CSMD1: variants seen among roughly 807,000 people sequenced by gnomAD.
CSMD1 encodes the protein CUB and sushi domain-containing protein 1.
Under a neutral mutation model 417.5 loss-of-function variants are expected in CSMD1, and 213 were observed. That is an observed-to-expected ratio of 0.51 (90% CI 0.46 to 0.57). The LOEUF is 0.57. Among genes scored for constraint, CSMD1 ranks in the 20% least tolerant of loss-of-function variants. CSMD1 has a pLI of 0.00. For missense variants in CSMD1, 6,923 were observed against 4,529.7 expected, an observed-to-expected ratio of 1.53 and a Z score of -15.17; for synonymous variants, 2,862 against 1,736.8, an observed-to-expected ratio of 1.65 and a Z score of -16.11.
At chr8:3,904,681 G>A (rs751418115) in intron 5 of CSMD1, among the ~76,000 whole-genome samples, 2 of 136,356 alleles carry the variant, frequency 1.5e-5, no homozygotes, top group Non-Finnish European at 3.0e-5. Context: ...CTGTCACCCC[G>A]GTTGGACTGC....
intron 3 of CSMD1, among the ~76,000 whole-genome samples, chr8:4,128,777 C>G (rs1802915832): frequency 6.6e-6 from 1 of 152,116 alleles, no homozygotes; most frequent in Non-Finnish European, 1.5e-5. Context: ...ACACCATCAA[C>G]TCATCCTTGC....
At chr8:4,190,018 G>C (rs1382498884) in intron 3 of CSMD1, among the ~76,000 whole-genome samples, 1 of 151,716 alleles carries the variant, frequency 6.6e-6, no homozygotes, top group African/African-American at 2.4e-5. Flanking sequence ...CAGCACTTTG[G>C]GAGGCCAAGG....
At chr8:3,992,707 G>C (rs1287577698) in intron 5 of CSMD1, among the ~76,000 whole-genome samples, 2 of 152,194 alleles carry the variant, frequency 1.3e-5, no homozygotes, top group African/African-American at 4.8e-5. Flanking sequence ...CTTCAGTCCA[G>C]GAGTTTGAGG....
At chr8:3,938,253 A>G (rs1473668389) in intron 5 of CSMD1, among the ~76,000 whole-genome samples, 1 of 152,196 alleles carries the variant, frequency 6.6e-6, no homozygotes, top group Non-Finnish European at 1.5e-5. Context: ...TACTGTTTAA[A>G]AAAAATTAAA....
intron 1 of CSMD1, among the ~76,000 whole-genome samples, chr8:4,741,699 C>T (rs1810614597): frequency 6.6e-6 from 1 of 152,134 alleles, no homozygotes. Context: ...ATTGTCTTCA[C>T]TACTCCAGGT....
At chr8:4,883,998 A>G (rs368199474) in intron 1 of CSMD1, among the ~76,000 whole-genome samples, 1 of 151,886 alleles carries the variant, frequency 6.6e-6, no homozygotes, top group Admixed American at 6.6e-5. Context: ...AATACTTGCT[A>G]TTGTCTGTAT....
At chr8:4,899,016 T>A (rs550159795) in intron 1 of CSMD1, among the ~76,000 whole-genome samples, 1 of 152,218 alleles carries the variant, frequency 6.6e-6, no homozygotes, top group African/African-American at 2.4e-5. Context: ...GAGAGTTTTA[T>A]GCTAAACACA....
At chr8:3,986,089 C>G (rs57907608) in intron 5 of CSMD1, among the ~76,000 whole-genome samples, 4 of 151,764 alleles carry the variant, frequency 2.6e-5, no homozygotes, top group Admixed American at 2.0e-4. Context: ...TCAAGGATCT[C>G]GTTCGTATCT....
intron 3 of CSMD1, among the ~76,000 whole-genome samples, chr8:4,332,624 C>T (rs1478417004): frequency 6.7e-6 from 1 of 149,396 alleles, no homozygotes; most frequent in Non-Finnish European, 1.5e-5. Flanking sequence ...TATGCAGAGA[C>T]ATTCAGATAC....
chr8:4,443,987 C>T (rs534626392), intron 2 of CSMD1, among the ~76,000 whole-genome samples: 2 of 152,120 alleles, frequency 1.3e-5, no homozygotes, highest in South Asian at 2.1e-4. Context: ...TGAAAATGTA[C>T]AAACGGAGTA....
At chr8:4,005,163 TA>T (rs1356387662) in intron 4 of CSMD1, among the ~76,000 whole-genome samples, 3 of 152,148 alleles carry the variant, frequency 2.0e-5, no homozygotes, top group Middle Eastern at 3.4e-3. Context: ...GGAAAGGGGA[TA>T]AAAGACAACA....
intron 7 of CSMD1, among the ~76,000 whole-genome samples, chr8:3,656,588 C>A (rs567082030): frequency 7.2e-5 from 11 of 152,216 alleles, no homozygotes; most frequent in African/African-American, 2.6e-4. Flanking sequence ...TCTTACGAAG[C>A]CCTTTACTCT....
chr8:3,657,489 T>C (rs1282758449), intron 7 of CSMD1, among the ~76,000 whole-genome samples: 1 of 152,128 alleles, frequency 6.6e-6, no homozygotes, highest in Non-Finnish European at 1.5e-5. Context: ...ATGTGTCACA[T>C]ATACACGATG....
intron 2 of CSMD1, among the ~76,000 whole-genome samples, chr8:4,506,021 C>T (rs868373786): frequency 4.6e-5 from 7 of 152,028 alleles, no homozygotes; most frequent in Non-Finnish European, 1.0e-4. Flanking sequence ...TGGTCTCAAA[C>T]TCTGCCCCAA....
intron 10 of CSMD1, among the ~76,000 whole-genome samples, chr8:3,503,659 A>C (rs1015371226): frequency 6.6e-6 from 1 of 152,352 alleles, no homozygotes; most frequent in African/African-American, 2.4e-5. Context: ...TGCTACAGAG[A>C]GAATTAGTCT....
At chr8:3,528,663 T>G (rs1797854580) in intron 10 of CSMD1, among the ~76,000 whole-genome samples, 1 of 152,224 alleles carries the variant, frequency 6.6e-6, no homozygotes, top group African/African-American at 2.4e-5. Flanking sequence ...TCTTGATTTC[T>G]GGGACATGGT....
intron 2 of CSMD1, among the ~76,000 whole-genome samples, chr8:4,463,878 C>A (rs942724503): frequency 6.6e-6 from 1 of 151,988 alleles, no homozygotes; most frequent in Non-Finnish European, 1.5e-5. Context: ...CACTTCAGGT[C>A]AATATTGTGG....
At chr8:3,109,641 G>A (rs1331339224) in intron 43 of CSMD1, among the ~76,000 whole-genome samples, 1 of 152,014 alleles carries the variant, frequency 6.6e-6, no homozygotes, top group Admixed American at 6.6e-5. Flanking sequence ...AAAGCCCAAG[G>A]CCTTCACATG....
intron 11 of CSMD1, among the ~76,000 whole-genome samples, chr8:3,484,656 G>T (rs936020307): frequency 1.3e-5 from 2 of 152,086 alleles, no homozygotes; most frequent in African/African-American, 4.8e-5. Flanking sequence ...AAGACAAGCC[G>T]CAGACTGAGA....
Sources: allele counts gnomAD v4.1 joint callset (sites outside exome capture counted in the v4.1 genomes callset), GRCh38; gene constraint gnomAD v4.1.1; transcripts MANE v1.5; gene names NCBI Gene and HGNC (gene_info 2026-07-23, HGNC 2026-07-21).